The following DDX6 variants were observed in gnomAD, a reference collection of about 807,000 sequenced individuals.
DDX6 encodes the protein DEAD-box helicase 6.
In DDX6, 7 loss-of-function variants were observed where a neutral mutation model predicts 60.6. That is an observed-to-expected ratio of 0.12 (90% CI 0.07 to 0.22). The LOEUF (loss-of-function observed/expected upper bound fraction) is 0.22. DDX6 is among the 10% of genes least tolerant of loss of function. The pLI, the probability that DDX6 is intolerant of heterozygous loss-of-function variation, is 1.00. For synonymous variants in DDX6, 207 were observed against 201.0 expected, an observed-to-expected ratio of 1.03 and a Z score of -0.25; for missense variants, 270 against 589.9, an observed-to-expected ratio of 0.46 and a Z score of 5.62.
rs553853333 is a variant in DDX6 at position 118,753,998 on chromosome 11, A to C, written c.*7+707T>G. Among the ~76,000 whole-genome samples, 9 of 152,156 alleles carry C rather than the reference A, an allele frequency of 5.9e-5. No individual in the cohort carries two copies. The South Asian group carries it at 1.7e-3, about 28-fold the overall frequency. ...GTAATTCCAGCTACTTGGGAGGCTG[A>C]GGTGCACCAGAATCGCTTGAACCTG... is the stretch of plus-strand genomic sequence containing the variant. On this transcript the variant is annotated intron_variant, in intron 13 of 13. Transcript: ENST00000534980.
intron 2 of DDX6, among the ~76,000 whole-genome samples, chr11:118,784,889 G>C (rs1427490289): frequency 6.6e-6 from 1 of 152,032 alleles, no homozygotes; most frequent in African/African-American, 2.4e-5. Flanking sequence ...TAGCATTATG[G>C]GCATGTGCCA....
intron 5 of DDX6, among the ~76,000 whole-genome samples, chr11:118,767,212 T>C (rs929137790): frequency 8.5e-5 from 13 of 152,306 alleles, no homozygotes; most frequent in Non-Finnish European, 1.6e-4. Context: ...TTACAAACTT[T>C]CAGCATGTTG....
At chr11:118,768,597 A>C (rs1301228343) in intron 4 of DDX6, among the ~76,000 whole-genome samples, 1 of 152,216 alleles carries the variant, frequency 6.6e-6, no homozygotes, top group Non-Finnish European at 1.5e-5. Context: ...CAATGTCATA[A>C]GAACTGTGTT....
At chr11:118,779,587 G>C in intron 4 of DDX6, 45 bp downstream of exon 4, 1 of 1,291,814 alleles carries the variant, frequency 7.7e-7, no homozygotes, top group South Asian at 1.3e-5. Flanking sequence ...ACTGTTTAAT[G>C]GTTGACACAT....
intron 10 of DDX6, among the ~76,000 whole-genome samples, chr11:118,756,673 C>A (rs1209874488): frequency 7.9e-5 from 12 of 151,994 alleles, no homozygotes; most frequent in Non-Finnish European, 2.9e-5. Context: ...TTTAAAAATC[C>A]AGAGCAGTGC....
At chr11:118,790,051 ATCG>A (rs1436748091) in intron 1 of DDX6, 4 of 152,238 alleles carry the variant, frequency 2.6e-5, no homozygotes, top group African/African-American at 7.2e-5. Context: ...CCAAAACAGT[ATCG>A]TCATCGCCAA....
intron 1 of DDX6, chr11:118,789,121 G>C (rs1056154218): frequency 2.2e-5 from 3 of 135,138 alleles, no homozygotes; most frequent in Non-Finnish European, 1.5e-5. Context: ...TGCCGCCCAG[G>C]TTGGAGTGCA....
Position 118,759,922 on chromosome 11 carries a change from C to A in DDX6, c.864G>T (p.Met288Ile). 6.2e-7 allele frequency: 1 copy of A among 1,612,452 alleles called. No individual in the cohort carries two copies. The highest frequency in any genetic ancestry group is 8.5e-7 in the Non-Finnish European group (1 of 1,179,434). ...ATFPLSVQKF[M>I]NSHLQKPYEI... Reference sequence around the variant, plus strand: ...ATTCCAAGTACAGATTTATACTCACCATGAACTTCTGTACACTAAGAGGGA... The same window carrying A: ...ATTCCAAGTACAGATTTATACTCACAATGAACTTCTGTACACTAAGAGGGA... Residue 288 changes from methionine (M) to isoleucine (I), a missense_variant and splice_region_variant, in exon 8 of 14, where the codon ATG (methionine) becomes ATT (isoleucine). Met to Ile is a conservative substitution (Grantham distance 10). This residue lies in a region of DDX6 where 69 missense variants were observed against 208.2 expected (regional missense o/e 0.33). Coordinates refer to ENST00000534980, the MANE Select transcript of DDX6 (RefSeq NM_004397.6).
rs117011657 is a variant in DDX6, at chr11:118,749,652, C to G, written c.*2453G>C. On this transcript the variant is annotated 3_prime_UTR_variant, in exon 14 of 14. Transcript: ENST00000534980. Reference sequence around the variant, plus strand: ...CTTTTTGTTTAGTCACCCACACGTTCTCTAGCGAGATACAGAATTGCATTT... The same window carrying G: ...CTTTTTGTTTAGTCACCCACACGTTGTCTAGCGAGATACAGAATTGCATTT... 2.6e-5 allele frequency: 4 copies of G among 152,778 alleles called. 1 individual carries two copies. In the East Asian group the frequency reaches 7.7e-4, roughly 29 times the overall value. 9.5% of individuals were successfully genotyped at this position (152,778 alleles called of 1,614,324 possible). A position where few individuals can be genotyped will look rare whatever the true frequency, so the allele number is the denominator to read the frequency against.
intron 13 of DDX6, 117 bp downstream of exon 13, chr11:118,754,588 G>A: frequency 1.2e-6 from 1 of 822,008 alleles, no homozygotes; most frequent in South Asian, 1.8e-5. Context: ...TTATGCTAGT[G>A]GGTATTTTAC....
intron 1 of DDX6, chr11:118,786,797 ATCTCT>A (rs1334087976): frequency 4.6e-5 from 7 of 153,078 alleles, no homozygotes; most frequent in South Asian, 2.1e-4. Flanking sequence ...GTCAATGATA[ATCTCT>A]TCTCTTCAGT....
chr11:118,772,907 A>AC (rs782502032), intron 4 of DDX6, among the ~76,000 whole-genome samples: 14 of 152,238 alleles, frequency 9.2e-5, no homozygotes, highest in Non-Finnish European at 1.5e-4. Context: ...AGTGGTAGAC[A>AC]CATAGCCCAC....
At chr11:118,773,915 A>AT (rs1861617455) in intron 4 of DDX6, among the ~76,000 whole-genome samples, 1 of 152,186 alleles carries the variant, frequency 6.6e-6, no homozygotes. Flanking sequence ...TTTTTAGGAA[A>AT]TATTTTTTTC....
chr11:118,784,462 T>C (rs1360685481), intron 2 of DDX6, among the ~76,000 whole-genome samples: 3 of 142,018 alleles, frequency 2.1e-5, no homozygotes, highest in South Asian at 2.3e-4. Flanking sequence ...ATATGGCAAG[T>C]TTTTTTTTTT....
At chr11:118,785,175 T>C (rs905189198) in intron 2 of DDX6, among the ~76,000 whole-genome samples, 1 of 152,166 alleles carries the variant, frequency 6.6e-6, no homozygotes, top group Non-Finnish European at 1.5e-5. Flanking sequence ...ATTCAAATAT[T>C]GTAATTTAAA....
chr11:118,777,663 G>A (rs549539388), intron 4 of DDX6, among the ~76,000 whole-genome samples: 49 of 152,170 alleles, frequency 3.2e-4, no homozygotes, highest in Non-Finnish European at 5.4e-4. Flanking sequence ...GCCAAAGTGG[G>A]CGATCATTTG....
At chr11:118,756,416 A>G in intron 10 of DDX6, 93 bp from the exon 11 acceptor site, 2 of 965,082 alleles carry the variant, frequency 2.1e-6, no homozygotes, top group Middle Eastern at 2.4e-4. Context: ...GTTCTACCCA[A>G]AATCTGTTTA....
At chr11:118,779,592 A>T in intron 4 of DDX6, 40 bp downstream of exon 4, 1 of 1,334,448 alleles carries the variant, frequency 7.5e-7, no homozygotes, top group Non-Finnish European at 1.1e-6. Flanking sequence ...TTAATGGTTG[A>T]CACATAACCT....
At chr11:118,752,708 T>G (rs1296906746) in intron 13 of DDX6, among the ~76,000 whole-genome samples, 1 of 152,130 alleles carries the variant, frequency 6.6e-6, no homozygotes, top group Non-Finnish European at 1.5e-5. Flanking sequence ...TCAAATCAGA[T>G]TTTCTTTAGG....
Sources: allele counts gnomAD v4.1 joint callset (sites outside exome capture counted in the v4.1 genomes callset), GRCh38; gene constraint gnomAD v4.1.1; regional missense constraint gnomAD v4.1.1; transcripts MANE v1.5; gene names NCBI Gene and HGNC (gene_info 2026-07-23, HGNC 2026-07-21).